SPECC1: variants seen among roughly 807,000 people sequenced by gnomAD.
The protein encoded by SPECC1 is cytospin-B.
In SPECC1, 62 loss-of-function variants were observed where a neutral mutation model predicts 104.1. The observed-to-expected ratio is 0.60, with a 90% CI of 0.49 to 0.74. SPECC1 has a LOEUF of 0.74. Ranked by LOEUF, SPECC1 falls within the 30% of genes least tolerant of loss-of-function variation. SPECC1 has a pLI of 0.00. For synonymous variants in SPECC1, 513 were observed against 501.6 expected, an observed-to-expected ratio of 1.02 and a Z score of -0.30; for missense variants, 1,306 against 1,310.5, an observed-to-expected ratio of 1.00 and a Z score of 0.05.
intron 13 of SPECC1, among the ~76,000 whole-genome samples, chr17:20,303,609 A>T (rs1363600778): frequency 1.3e-5 from 2 of 152,210 alleles, no homozygotes; most frequent in Non-Finnish European, 2.9e-5. Flanking sequence ...GTATAAAATG[A>T]TGTATGAAAT....
At chr17:20,016,723 C>T (rs1418674702) in intron 1 of SPECC1, among the ~76,000 whole-genome samples, 2 of 152,252 alleles carry the variant, frequency 1.3e-5, no homozygotes, top group Non-Finnish European at 2.9e-5. Flanking sequence ...CTCCTGGGCT[C>T]CTGTGCGGCC....
chr17:20,205,126 G>A lies in SPECC1; in HGVS notation c.1077G>A (p.Gly359=). 1.2e-6 allele frequency: 2 copies of A among 1,614,100 alleles called. No individual in the cohort carries two copies. Among genetic ancestry groups the A allele is most frequent in the Admixed American group, 1.7e-5 (1 of 60,012 alleles). Residue 359 remains glycine (G), a synonymous_variant, in exon 4 of 15, where the codon GGG becomes GGA. Transcript: ENST00000395527. ...AGAGTTCAAAGTGTTCTACTGCTGG[G>A]AGTTCCCCAAACAGCGTAAGTGAAT... ...PFKSSKCSTA[G]SSPNSVSELS... is the part of the protein sequence containing the mutation.
chr17:20,298,921 A>AAGAGAGAGAGGGAG (rs1555535543), intron 13 of SPECC1, among the ~76,000 whole-genome samples: 1 of 72,754 alleles, frequency 1.4e-5, no homozygotes, highest in African/African-American at 6.6e-5. Flanking sequence ...GCAGAACCAA[A>AAGAGAGAGAGGGAG]AGAGAGAGAG....
In SPECC1 at chr17:20,318,262, A is replaced by C; in HGVS notation, c.*4197A>C. 4.3e-6 allele frequency: 1 copy of C among 232,540 alleles called. No homozygotes were observed. The highest frequency in any genetic ancestry group is 8.5e-6 in the Non-Finnish European group (1 of 117,604). The allele number at this position is 232,540 out of a possible 1,614,324, so 14.4% of individuals were successfully genotyped here. On this transcript the variant is annotated 3_prime_UTR_variant, in exon 15 of 15. Transcript: ENST00000395527. ...TGTTCTCTGCATTGAACATGGATTG[A>C]ATTTTCCTTGTCTGATGGTAACCCA... is the stretch of plus-strand genomic sequence containing the variant.
chr17:20,318,573 A>G lies in SPECC1; in HGVS notation c.*4508A>G, dbSNP rs1213412977. On this transcript the variant is annotated 3_prime_UTR_variant, in exon 15 of 15. Coordinates refer to ENST00000395527, the MANE Select transcript of SPECC1 (RefSeq NM_001243439.2). ...CCCCTCCTCTTCCCCACTGAGGGGC[A>G]GCTTGTGGAGATGGAGGACTCGGGC... The G allele has an allele frequency of 1.3e-5, 3 of 229,408 alleles. No individual in the cohort carries two copies. Among genetic ancestry groups the G allele is most frequent in the Non-Finnish European group, 1.7e-5 (2 of 115,764 alleles). 14.2% of individuals were successfully genotyped at this position (229,408 alleles called of 1,614,324 possible).
chr17:20,197,245 A>G lies in SPECC1; in HGVS notation c.284-7088A>G, dbSNP rs149614747. On this transcript the variant is annotated intron_variant, in intron 3 of 14. Transcript: ENST00000395527. ...TGAATATCTGCTTTTAATTAAACTGATTTTAACCATAGCACTCTTTAACAA... is the reference window on the plus strand; with the variant it reads ...TGAATATCTGCTTTTAATTAAACTGGTTTTAACCATAGCACTCTTTAACAA... Among the ~76,000 whole-genome samples the G allele has an allele frequency of 3.7e-3, 565 of 152,310 alleles. 5 individuals carry two copies. Among genetic ancestry groups the G allele is most frequent in the African/African-American group, 0.012 (518 of 41,556 alleles).
chr17:20,044,238 T>C (rs1349267233), intron 1 of SPECC1, among the ~76,000 whole-genome samples: 1 of 152,120 alleles, frequency 6.6e-6, no homozygotes. Context: ...GGAAGCATTT[T>C]ATTGGCTTCA....
chr17:20,152,077 G>A (rs1484158438), intron 3 of SPECC1, among the ~76,000 whole-genome samples: 1 of 151,772 alleles, frequency 6.6e-6, no homozygotes, highest in Non-Finnish European at 1.5e-5. Flanking sequence ...GAGGGAGGTG[G>A]ATCACTTGAG....
intron 1 of SPECC1, among the ~76,000 whole-genome samples, chr17:20,026,755 T>C (rs2044615716): frequency 6.6e-6 from 1 of 152,218 alleles, no homozygotes; most frequent in Admixed American, 6.5e-5. Flanking sequence ...TGAGAGTGCA[T>C]ATATTTCTTC....
intron 1 of SPECC1, among the ~76,000 whole-genome samples, chr17:20,080,907 G>A (rs1246381376): frequency 6.6e-6 from 1 of 152,068 alleles, no homozygotes; most frequent in Non-Finnish European, 1.5e-5. Flanking sequence ...GGGCCCTCCT[G>A]TGGTCCTTCT....
intron 4 of SPECC1, among the ~76,000 whole-genome samples, chr17:20,221,022 A>C (rs1377222613): frequency 2.0e-5 from 3 of 152,244 alleles, no homozygotes; most frequent in Non-Finnish European, 2.9e-5. Flanking sequence ...CCACTTGGTC[A>C]TGATGAATAA....
chr17:20,178,760 G>A (rs1224382727), intron 3 of SPECC1, among the ~76,000 whole-genome samples: 1 of 152,182 alleles, frequency 6.6e-6, no homozygotes, highest in Non-Finnish European at 1.5e-5. Flanking sequence ...TTCTTAGAAG[G>A]GGACAAAGTA....
At chr17:20,068,641 A>T (rs2046442280) in intron 1 of SPECC1, among the ~76,000 whole-genome samples, 1 of 152,208 alleles carries the variant, frequency 6.6e-6, no homozygotes, top group African/African-American at 2.4e-5. Flanking sequence ...CATCCTCACC[A>T]GCACTTGTTA....
rs557920176 is a variant in SPECC1 at position 20,070,182 on chromosome 17, T to G, written c.-21-26449T>G. The stretch of plus-strand genomic sequence containing the variant: ...AGTGGTGAGAGCAGAGAGACACCCT[T>G]GTCTAGTTTCTGATCTTAGGAGAAA... On this transcript the variant is annotated intron_variant, in intron 1 of 14. Coordinates refer to ENST00000395527, the MANE Select transcript of SPECC1 (RefSeq NM_001243439.2). Among the ~76,000 whole-genome samples, 96 of 152,348 alleles carry G rather than the reference T, an allele frequency of 6.3e-4. 3 individuals are homozygous for G. In the South Asian group the frequency reaches 0.02, roughly 31 times the overall value.
intron 10 of SPECC1, among the ~76,000 whole-genome samples, chr17:20,255,927 G>C (rs1159026524): frequency 1.3e-5 from 2 of 151,748 alleles, no homozygotes; most frequent in African/African-American, 4.8e-5. Context: ...ACCCAGGCTG[G>C]AGTGCAGTGG....
At chr17:20,120,059 G>T (rs1420002529) in intron 3 of SPECC1, among the ~76,000 whole-genome samples, 1 of 152,146 alleles carries the variant, frequency 6.6e-6, no homozygotes, top group African/African-American at 2.4e-5. Flanking sequence ...TTTGGATAAG[G>T]GATACTCACC....
chr17:20,247,274 G>A lies in SPECC1; in HGVS notation c.2553G>A (p.Gly851=). The stretch of plus-strand genomic sequence containing the variant: ...AGACCCCCAGAAGTCCCCTAAGTGG[G>A]ATACCAGTGAGGACTGCTCCAGCAG... ...VHKTPRSPLS[G]IPVRTAPAAA... Residue 851 remains glycine (G), a synonymous_variant, in exon 9 of 15, where the codon GGG becomes GGA. Transcript: ENST00000395527. The A allele has an allele frequency of 1.2e-6, 2 of 1,613,838 alleles. No homozygotes were observed. Among genetic ancestry groups the A allele is most frequent in the African/African-American group, 1.3e-5 (1 of 75,040 alleles).
chr17:20,042,301 G>A (rs1443526732), intron 1 of SPECC1, among the ~76,000 whole-genome samples: 2 of 150,956 alleles, frequency 1.3e-5, no homozygotes, highest in African/African-American at 2.5e-5. Context: ...TACCTCCCTG[G>A]CTAGGAGGGG....
intron 1 of SPECC1, among the ~76,000 whole-genome samples, chr17:20,065,025 T>G (rs2046312617): frequency 6.6e-6 from 1 of 152,200 alleles, no homozygotes; most frequent in Non-Finnish European, 1.5e-5. Context: ...AGCAATGTAT[T>G]TCTAAACTAC....
Sources: allele counts gnomAD v4.1 joint callset (sites outside exome capture counted in the v4.1 genomes callset), GRCh38; gene constraint gnomAD v4.1.1; transcripts MANE v1.5; gene names NCBI Gene and HGNC (gene_info 2026-07-23, HGNC 2026-07-21).